Variants in UGT1A9 observed in about 807,000 individuals in gnomAD.
The protein encoded by UGT1A9 is UDP glucuronosyltransferase family 1 member A9.
In UGT1A9, 35 loss-of-function variants were observed where a neutral mutation model predicts 45.0. The ratio of observed to expected loss-of-function variants is 0.78; its 90% CI spans 0.59 to 1.03. The LOEUF is 1.03. Among genes scored for constraint, UGT1A9 ranks in the 50% least tolerant of loss-of-function variants. The pLI is 0.00. For missense variants in UGT1A9, 687 were observed against 666.6 expected (o/e 1.03, Z -0.34); for synonymous variants, 278 against 250.6 (o/e 1.11, Z -1.03).
rs539153325 is a variant in UGT1A9, at chr2:233,714,494, T to G, written c.855+41705T>G. On this transcript the variant is annotated intron_variant, in intron 1 of 4. Coordinates refer to ENST00000354728, the MANE Select transcript of UGT1A9 (RefSeq NM_021027.3). ...AGGAGAATGTTTCTTGTGAAGACAC[T>G]ACTTAAAAAAAATTCTTACTAGGTT... Among the ~76,000 whole-genome samples, 98 of 152,310 alleles carry G rather than the reference T, an allele frequency of 6.4e-4. 1 individual carries two copies. The South Asian group carries it at 0.019, about 30-fold the overall frequency.
intron 1 of UGT1A9, chr2:233,713,615 G>T (rs374147519): frequency 6.2e-7 from 1 of 1,613,832 alleles, no homozygotes; most frequent in Non-Finnish European, 8.5e-7. Context: ...TGACATTCCT[G>T]CAAAGGGTCA....
intron 1 of UGT1A9, chr2:233,690,911 G>T (rs2075021187): frequency 1.2e-5 from 12 of 1,021,144 alleles, no homozygotes; most frequent in Non-Finnish European, 1.3e-5. Flanking sequence ...AGTGATGTTA[G>T]TTTCATTTCT....
intron 1 of UGT1A9, among the ~76,000 whole-genome samples, chr2:233,711,301 G>T (rs1575495377): frequency 6.6e-6 from 1 of 152,358 alleles, no homozygotes; most frequent in East Asian, 1.9e-4. Flanking sequence ...GTAGAAATTA[G>T]ATGACATTGG....
At chr2:233,713,649 C>T in intron 1 of UGT1A9, 6 of 1,613,990 alleles carry the variant, frequency 3.7e-6, no homozygotes, top group Non-Finnish European at 5.1e-6. Flanking sequence ...CCCTCTGGCC[C>T]TGTCCTACCT....
intron 1 of UGT1A9, among the ~76,000 whole-genome samples, chr2:233,689,179 T>A (rs10179094): frequency 0.34 from 51,681 of 152,064 alleles, 9,200 homozygotes; most frequent in South Asian, 0.41. Flanking sequence ...CTAGGACAGG[T>A]GCCCCTGGAA....
chr2:233,745,759 G>A (rs1184455578), intron 1 of UGT1A9, among the ~76,000 whole-genome samples: 1 of 150,666 alleles, frequency 6.6e-6, no homozygotes, highest in Non-Finnish European at 1.5e-5. Flanking sequence ...CAGAAGGGGT[G>A]GAGAGGAGGA....
intron 1 of UGT1A9, chr2:233,743,543 C>G: frequency 7.3e-7 from 1 of 1,367,070 alleles, no homozygotes; most frequent in Non-Finnish European, 9.8e-7. Context: ...TTCCTCTGAC[C>G]CCCCCAAAAT....
intron 1 of UGT1A9, chr2:233,713,568 T>C: frequency 6.2e-7 from 1 of 1,613,984 alleles, no homozygotes; most frequent in South Asian, 1.1e-5. Context: ...CCCTTCCTCC[T>C]ATATTCCTAG....
chr2:233,762,139 G>C (rs983754711), intron 1 of UGT1A9, among the ~76,000 whole-genome samples: 1 of 152,114 alleles, frequency 6.6e-6, no homozygotes, highest in African/African-American at 2.4e-5. Context: ...GGACCTGTGT[G>C]ACTTTGCATT....
At chr2:233,681,827 A>G (rs1001942389) in intron 1 of UGT1A9, 9 of 1,503,156 alleles carry the variant, frequency 6.0e-6, no homozygotes, top group Non-Finnish European at 7.1e-6. Flanking sequence ...TTTTAAATGA[A>G]TGAATAAGTA....
intron 1 of UGT1A9, chr2:233,747,987 G>A: frequency 6.2e-7 from 1 of 1,613,454 alleles, no homozygotes; most frequent in Non-Finnish European, 8.5e-7. Context: ...GCTGTTCCGA[G>A]GGGACTTTGT....
intron 1 of UGT1A9, among the ~76,000 whole-genome samples, chr2:233,710,501 C>T (rs1432129289): frequency 1.3e-5 from 2 of 152,166 alleles, no homozygotes; most frequent in East Asian, 3.8e-4. Flanking sequence ...AATTTGCATT[C>T]CTCTTATGAC....
At chr2:233,704,547 A>ATTACT (rs1423420833) in intron 1 of UGT1A9, among the ~76,000 whole-genome samples, 1 of 152,170 alleles carries the variant, frequency 6.6e-6, no homozygotes, top group African/African-American at 2.4e-5. Flanking sequence ...TGGTGATAAT[A>ATTACT]TTACTTTATA....
At chr2:233,707,786 G>T (rs2075987501) in intron 1 of UGT1A9, among the ~76,000 whole-genome samples, 1 of 152,134 alleles carries the variant, frequency 6.6e-6, no homozygotes. Flanking sequence ...TATATACCTA[G>T]GGGTGGAGCT....
At chr2:233,694,502 C>T (rs28898577) in intron 1 of UGT1A9, among the ~76,000 whole-genome samples, 1,914 of 152,186 alleles carry the variant, frequency 0.013, 39 homozygotes, top group African/African-American at 0.043. Context: ...TTTACAGATG[C>T]CCTCCTGACA....
Position 233,720,841 on chromosome 2 carries a change from G to A in UGT1A9, c.856-46193G>A, listed in dbSNP as rs529446200. 1.9e-4 allele frequency among the ~76,000 whole-genome samples: 29 copies of A among 151,182 alleles called. 2 individuals carry two copies. Among genetic ancestry groups the A allele is most frequent in the Middle Eastern group, 6.9e-3 (2 of 290 alleles). ...CCACCTCAGTCTCCTGAGTAACTGG[G>A]ACTGCAGGCATGTGCCACTGCTCCT... On this transcript the variant is annotated intron_variant, in intron 1 of 4. Coordinates refer to ENST00000354728, the MANE Select transcript of UGT1A9 (RefSeq NM_021027.3).
chr2:233,757,188 C>CT (rs910058978), intron 1 of UGT1A9, among the ~76,000 whole-genome samples: 3 of 150,488 alleles, frequency 2.0e-5, no homozygotes, highest in African/African-American at 7.4e-5. Flanking sequence ...GCAGAGGACT[C>CT]TGAATTTTCT....
chr2:233,759,382 A>C (rs1049531519), intron 1 of UGT1A9, among the ~76,000 whole-genome samples: 4 of 152,150 alleles, frequency 2.6e-5, no homozygotes, highest in Non-Finnish European at 2.9e-5. Context: ...GGTTTTCAGG[A>C]TACTCAGAGT....
At chr2:233,757,297 T>G (rs1200339866) in intron 1 of UGT1A9, among the ~76,000 whole-genome samples, 15 of 102,166 alleles carry the variant, frequency 1.5e-4, no homozygotes, top group South Asian at 3.6e-4. Context: ...CAGCTGGGGG[T>G]TGGGGGACAG....
Sources: allele counts gnomAD v4.1 joint callset (sites outside exome capture counted in the v4.1 genomes callset), GRCh38; gene constraint gnomAD v4.1.1; transcripts MANE v1.5; gene names NCBI Gene and HGNC (gene_info 2026-07-23, HGNC 2026-07-21).